MUC4: variants seen among roughly 807,000 people sequenced by gnomAD.
MUC4 encodes the protein mucin-4.
Under a neutral mutation model 257.9 loss-of-function variants are expected in MUC4, and 202 were observed. The observed-to-expected ratio is 0.78, with a 90% CI of 0.70 to 0.88. The LOEUF is 0.88. Among genes scored for constraint, MUC4 ranks in the 40% least tolerant of loss-of-function variants. The pLI, the probability that MUC4 is intolerant of heterozygous loss-of-function variation, is 0.00. For synonymous variants in MUC4, 2,351 were observed against 2,757.1 expected (o/e 0.85, Z 4.62); for missense variants, 5,976 against 6,513.7 (o/e 0.92, Z 2.84).
In MUC4 at chr3:195,807,911, C is replaced by A. The variant is rs116854542; in HGVS notation, c.82+3825G>T. Among the ~76,000 whole-genome samples, 2,499 of 152,366 alleles carry A rather than the reference C, an allele frequency of 0.016. 199 individuals are homozygous for A. In the East Asian group the frequency reaches 0.26, roughly 16 times the overall value. ...CCAGCCTCTGCCAGGCCAGCCTCTG[C>A]CTCCACGGCTGAGCCCAGAAACCAA... On this transcript the variant is annotated intron_variant, in intron 1 of 24. Coordinates refer to ENST00000463781, the MANE Select transcript of MUC4 (RefSeq NM_018406.7).
At chr3:195,776,834 G>C (rs368698794) in intron 3 of MUC4, among the ~76,000 whole-genome samples, 815 of 6,576 alleles carry the variant, frequency 0.12, 10 homozygotes, top group Non-Finnish European at 0.17. Context: ...ACCTTCCACA[G>C]TCATACCTTC....
At chr3:195,770,491 G>A in intron 5 of MUC4, 120 bp from the exon 6 acceptor site, 1 of 1,117,512 alleles carries the variant, frequency 8.9e-7, no homozygotes, top group Middle Eastern at 2.4e-4. Context: ...GCCCTCCCCT[G>A]TCCCAGGCCT....
At chr3:195,804,339 C>G (rs1735714242) in intron 1 of MUC4, among the ~76,000 whole-genome samples, 1 of 152,240 alleles carries the variant, frequency 6.6e-6, no homozygotes. Flanking sequence ...TCGTTTTCCC[C>G]AGATGGCCCC....
rs1560227672 is a variant in MUC4 at position 195,754,938 on chromosome 3, A to ATCCATATGTG, written c.15169-567_15169-566insCACATATGGA. On this transcript the variant is annotated intron_variant, in intron 18 of 24. Transcript: ENST00000463781. ...CATGCATGTATGCATGTATCCATGT[A>ATCCATATGTG]TGTATCCATATGTGTGTATCCATGT... is the stretch of plus-strand genomic sequence containing the variant. Among the ~76,000 whole-genome samples the ATCCATATGTG allele has an allele frequency of 3.1e-3, 257 of 82,498 alleles. 1 individual carries two copies. The highest frequency in any genetic ancestry group is 8.1e-3 in the African/African-American group (230 of 28,340). 54.1% of individuals were successfully genotyped at this position (82,498 alleles called of 152,430 possible). A position where few individuals can be genotyped will look rare whatever the true frequency, so the allele number is the denominator to read the frequency against.
At position 195,791,499 on chromosome 3, in the gene MUC4, T is replaced by C; in HGVS notation, c.83-2A>G. 2 of 1,600,396 alleles carry C rather than the reference T, an allele frequency of 1.2e-6. No homozygotes were observed. The highest frequency in any genetic ancestry group is 1.7e-6 in the Non-Finnish European group (2 of 1,168,874). On this transcript the variant is annotated splice_acceptor_variant, in intron 1 of 24. Transcript: ENST00000463781. LOFTEE classifies it high-confidence loss of function. ...TTATTAATGTGTCCTCTGTGGTTCC[T>C]GGAGTGAACCAAAATAGGCAAGCAG...
In MUC4 at chr3:195,786,576, G is replaced by C. The variant is rs773403350; in HGVS notation, c.5004C>G (p.Thr1668=). 6.6e-7 allele frequency: 1 copy of C among 1,522,284 alleles called. No homozygotes were observed. Among genetic ancestry groups the C allele is most frequent in the South Asian group, 1.2e-5 (1 of 82,544 alleles). The allele number at this position is 1,522,284 out of a possible 1,614,324, so 94.3% of individuals were successfully genotyped here. A position where few individuals can be genotyped will look rare whatever the true frequency, so the allele number is the denominator to read the frequency against. Reference sequence around the variant, plus strand: ...GACCGGTGGATGCTGAGGAAGTGCTGGTGACAGGAAGAGGGGTGGCGTGAC... The same window carrying C: ...GACCGGTGGATGCTGAGGAAGTGCTCGTGACAGGAAGAGGGGTGGCGTGAC... The part of the protein sequence containing the change: ...STGHATPLPV[T]STSSASTGHA... The change falls in exon 2 of 25, where the codon ACC becomes ACG. Residue 1668 remains threonine, a synonymous_variant. Transcript: ENST00000463781.
In MUC4 at chr3:195,755,835, C is replaced by T. The variant is rs1489185179; in HGVS notation, c.15168+1312G>A. Among the ~76,000 whole-genome samples, 2 of 152,102 alleles carry T rather than the reference C, an allele frequency of 1.3e-5. No individual in the cohort carries two copies. Among genetic ancestry groups the T allele is most frequent in the Non-Finnish European group, 2.9e-5 (2 of 68,008 alleles). On this transcript the variant is annotated intron_variant, in intron 18 of 24. Transcript: ENST00000463781. This position sits in a 1 kb window ranked among gnomAD's most constrained non-coding sequence, Gnocchi z 5.0. ...CCCTTTCGAGTACCCATTCTCTGCT[C>T]ATGCTTCAGAAGGATGTGTGTGTGT...
chr3:195,800,265 G>A (rs994637318), intron 1 of MUC4, among the ~76,000 whole-genome samples: 16 of 151,664 alleles, frequency 1.1e-4, no homozygotes, highest in East Asian at 5.8e-4. Flanking sequence ...GCGACAGAGC[G>A]GGACTCCATC....
chr3:195,799,106 C>G (rs544859336), intron 1 of MUC4, among the ~76,000 whole-genome samples: 17 of 152,250 alleles, frequency 1.1e-4, no homozygotes, highest in African/African-American at 4.1e-4. Flanking sequence ...TCCACCATAC[C>G]CACCTCTCTG....
At chr3:195,767,865 ACACCACCACCATCACCACCAT>A (rs1176579806) in intron 7 of MUC4, among the ~76,000 whole-genome samples, 5 of 52,168 alleles carry the variant, frequency 9.6e-5, no homozygotes, top group Non-Finnish European at 1.2e-4. Context: ...ATCACCCCCA[ACACCACCACCATCACCACCAT>A]CACCACCACC....
intron 6 of MUC4, among the ~76,000 whole-genome samples, chr3:195,769,922 G>A (rs917358930): frequency 1.3e-5 from 2 of 152,188 alleles, no homozygotes; most frequent in Non-Finnish European, 2.9e-5. Context: ...GTGAAATTGT[G>A]AATAGCCAGA....
At position 195,791,512 on chromosome 3, in the gene MUC4, A is replaced by G; in HGVS notation, c.83-15T>C. 1 of 1,556,886 alleles carries G rather than the reference A, an allele frequency of 6.4e-7. No homozygotes were observed. The highest frequency in any genetic ancestry group is 8.8e-7 in the Non-Finnish European group (1 of 1,130,510). On this transcript the variant is annotated splice_polypyrimidine_tract_variant and intron_variant, in intron 1 of 24. Transcript: ENST00000463781. The stretch of plus-strand genomic sequence containing the variant: ...CTCTGTGGTTCCTGGAGTGAACCAA[A>G]ATAGGCAAGCAGAGAGCTAAATCAT...
At chr3:195,776,339 C>CCCATACCTTCCACAT (rs1553865812) in intron 3 of MUC4, among the ~76,000 whole-genome samples, 1 of 44,922 alleles carries the variant, frequency 2.2e-5, no homozygotes, top group East Asian at 8.8e-4. Context: ...ACCTTCCACA[C>CCCATACCTTCCACAT]CCATACCTTC....
intron 1 of MUC4, among the ~76,000 whole-genome samples, chr3:195,793,220 G>A (rs559945997): frequency 2.5e-4 from 38 of 152,118 alleles, no homozygotes; most frequent in Non-Finnish European, 4.7e-4. Context: ...AGATGGGGCC[G>A]GGCATGGTAG....
In MUC4 at chr3:195,765,272, A is replaced by AGG; in HGVS notation, c.13795_13796insCC (p.Ile4599ThrfsTer2). The AGG allele has an allele frequency of 6.2e-7, 1 of 1,611,194 alleles. No homozygotes were observed. The highest frequency in any genetic ancestry group is 8.5e-7 in the Non-Finnish European group (1 of 1,178,622). Reference sequence around the variant, plus strand: ...GGGGGGCGGGAAGGAGGTGTCACCTATGCTGACGGGTTGGAATCGTAAGTC... The same window carrying AGG: ...GGGGGGCGGGAAGGAGGTGTCACCTAGGTGCTGACGGGTTGGAATCGTAAGTC... On this transcript the variant is annotated frameshift_variant, in exon 9 of 25. Coordinates refer to ENST00000463781, the MANE Select transcript of MUC4 (RefSeq NM_018406.7). LOFTEE classifies it high-confidence loss of function.
rs187762940 is a variant in MUC4 at position 195,804,577 on chromosome 3, G to A, written c.82+7159C>T. Among the ~76,000 whole-genome samples, 588 of 152,358 alleles carry A rather than the reference G, an allele frequency of 3.9e-3. 2 individuals are homozygous for A. The highest frequency in any genetic ancestry group is 8.5e-3 in the South Asian group (41 of 4,832). On this transcript the variant is annotated intron_variant, in intron 1 of 24. Transcript: ENST00000463781. ...TCCTGGAACTGGAGGTGAGGAACCC[G>A]TAAGCCGTATCGCCACAGTGTTTCA... is the stretch of plus-strand genomic sequence containing the variant.
intron 19 of MUC4, chr3:195,753,587 A>C: frequency 2.9e-6 from 1 of 348,914 alleles, no homozygotes; most frequent in South Asian, 3.5e-5. Flanking sequence ...GGTTCTACCC[A>C]CTCTGGCCTC....
chr3:195,794,715 C>T (rs553241549), intron 1 of MUC4, among the ~76,000 whole-genome samples: 10 of 152,256 alleles, frequency 6.6e-5, no homozygotes, highest in Admixed American at 4.6e-4. Flanking sequence ...CTCAGAGAGA[C>T]AAAGTCTCAG....
At position 195,778,393 on chromosome 3, in the gene MUC4, TG is replaced by T. The variant is rs747797305; in HGVS notation, c.12852del (p.Thr4285GlnfsTer142). The T allele has an allele frequency of 6.2e-7, 1 of 1,612,942 alleles. No individual in the cohort carries two copies. ...GTGGAAATGATGGTCTGGGAGGTTG[TG>T]GGGGGTGGTGATGTGGCTGTGCGTC... Reference protein sequence around the residue: ...GGRRTATSPPPTTSQTIISTI... With the variant: ...GGRRTATSPPXTTSQTIISTI... On this transcript the variant is annotated frameshift_variant, in exon 3 of 25. Coordinates refer to ENST00000463781, the MANE Select transcript of MUC4 (RefSeq NM_018406.7). LOFTEE classifies it high-confidence loss of function.
Sources: gnomAD v4.1 joint callset for allele counts (sites outside exome capture counted in the v4.1 genomes callset) on GRCh38, gnomAD v4.1.1 for gene constraint, Gnocchi (gnomAD v3.1) non-coding constraint, MANE v1.5 for transcripts, NCBI Gene and HGNC (gene_info 2026-07-23, HGNC 2026-07-21) for gene names.